Variants in DNAJB1 observed in about 807,000 individuals in gnomAD.
DNAJB1 encodes dnaJ homolog subfamily B member 1.
In DNAJB1, 14 loss-of-function variants were observed where a neutral mutation model predicts 24.0. That is an observed-to-expected ratio of 0.58 (90% CI 0.39 to 0.91). DNAJB1 has a LOEUF of 0.91. Ranked by LOEUF, DNAJB1 falls within the 40% of genes least tolerant of loss-of-function variation. The pLI, the probability that DNAJB1 is intolerant of heterozygous loss-of-function variation, is 0.00. For synonymous variants in DNAJB1, 262 were observed against 174.4 expected, an observed-to-expected ratio of 1.50 and a Z score of -3.96; for missense variants, 517 against 458.1, an observed-to-expected ratio of 1.13 and a Z score of -1.17.
chr19:14,551,302 T>A (rs2146601912), upstream of DNAJB1, among the ~76,000 whole-genome samples: 1 of 152,102 alleles, frequency 6.6e-6, no homozygotes, highest in Non-Finnish European at 1.5e-5. Context: ...CTCGAACTCC[T>A]GACCTCAGGT....
At chr19:14,530,154 C>G (rs971790382), upstream of DNAJB1, 1 of 200,688 alleles carries the variant, frequency 5.0e-6, no homozygotes, top group African/African-American at 2.3e-5. Context: ...GACCCCTTCC[C>G]TCGCCCGGGA....
upstream of DNAJB1, among the ~76,000 whole-genome samples, chr19:14,522,731 C>CACACAT (rs2072376994): frequency 6.7e-6 from 1 of 149,200 alleles, no homozygotes; most frequent in African/African-American, 2.4e-5. Context: ...CACACACACA[C>CACACAT]TCCTACTGGC....
chr19:14,525,702 A>C (rs142331260), intron 2 of DNAJB1, among the ~76,000 whole-genome samples: 5 of 152,178 alleles, frequency 3.3e-5, no homozygotes, highest in African/African-American at 1.2e-4. Context: ...GGTTGGTGTA[A>C]ATGCTCTGTA....
chr19:14,521,870 C>T (rs1488068125), upstream of DNAJB1, among the ~76,000 whole-genome samples: 1 of 152,188 alleles, frequency 6.6e-6, no homozygotes, highest in South Asian at 2.1e-4. Flanking sequence ...GATCAACACG[C>T]CTTGATCTCC....
At chr19:14,522,693 C>CAG (rs1339502117), upstream of DNAJB1, among the ~76,000 whole-genome samples, 60 of 139,212 alleles carry the variant, frequency 4.3e-4, no homozygotes, top group East Asian at 0.01. Flanking sequence ...GACACACACA[C>CAG]ACACACACAC....
chr19:14,518,963 AGCCTCAT>A (rs1350197184), upstream of DNAJB1, among the ~76,000 whole-genome samples: 4 of 151,814 alleles, frequency 2.6e-5, no homozygotes, highest in Non-Finnish European at 5.9e-5. Flanking sequence ...CCGGGCGCGG[AGCCTCAT>A]GCCTGTAATC....
rs1057061254 is a variant in DNAJB1 at position 14,516,907 on chromosome 19, C to A, written c.351G>T (p.Gly117=). The part of the protein sequence containing the change: ...GGRNPFDTFF[G]QRNGEEGMDI... ...CCATGCCTTCCTCCCCGTTCCGCTGCCCAAAAAAGGTGTCAAAGGGATTTC... is the reference window on the plus strand; with the variant it reads ...CCATGCCTTCCTCCCCGTTCCGCTGACCAAAAAAGGTGTCAAAGGGATTTC... The change falls in exon 2 of 3, where the codon GGG becomes GGT. Residue 117 remains glycine (G), a synonymous_variant. Coordinates refer to ENST00000254322, the MANE Select transcript of DNAJB1 (RefSeq NM_006145.3). 1.4e-5 allele frequency: 23 copies of A among 1,614,004 alleles called. No homozygotes were observed. Among genetic ancestry groups the A allele is most frequent in the East Asian group, 8.9e-5 (4 of 44,880 alleles).
upstream of DNAJB1, among the ~76,000 whole-genome samples, chr19:14,553,749 T>C (rs1378481397): frequency 6.6e-6 from 1 of 152,124 alleles, no homozygotes; most frequent in African/African-American, 2.4e-5. Context: ...GCTCTGGGCA[T>C]GATCGGGCCA....
upstream of DNAJB1, among the ~76,000 whole-genome samples, chr19:14,554,811 A>C (rs1599474868): frequency 1.3e-5 from 2 of 148,696 alleles, no homozygotes. Flanking sequence ...ATGGAGTTTC[A>C]CTCTGTCACC....
Position 14,518,149 on chromosome 19 carries a change from G to C in DNAJB1, c.201C>G (p.Tyr67Ter), listed in dbSNP as rs141580276. The C allele has an allele frequency of 8.5e-5, 133 of 1,570,840 alleles. No individual in the cohort carries two copies. The highest frequency in any genetic ancestry group is 1.6e-5 in the Non-Finnish European group (19 of 1,160,000). ...GCCGCGAGCACACACCTTCCTCCCC[G>C]TAGCGGTCGAAGATCTCGCGCTTGC... ...DPRKREIFDR[Y>*]GEEGLKGSGP... Residue 67 changes from tyrosine to a stop codon, truncating the protein, a stop_gained, in exon 1 of 3, where the codon TAC (tyrosine) becomes TAG (stop). Coordinates refer to ENST00000254322, the MANE Select transcript of DNAJB1 (RefSeq NM_006145.3). LOFTEE classifies it high-confidence loss of function.
Position 14,535,560 on chromosome 19 carries a change from A to ATATATATATATG in DNAJB1, c.-213-7751_-213-7750insCATATATATATA, listed in dbSNP as rs1413588470. Among the ~76,000 whole-genome samples the ATATATATATATG allele has an allele frequency of 1.4e-3, 31 of 21,858 alleles. 1 individual carries two copies. The highest frequency in any genetic ancestry group is 5.0e-3 in the African/African-American group (30 of 6,054). 14.3% of individuals were successfully genotyped at this position (21,858 alleles called of 152,430 possible). A position where few individuals can be genotyped will look rare whatever the true frequency, so the allele number is the denominator to read the frequency against. On this transcript the variant is annotated intron_variant, in intron 1 of 3. Coordinates refer to the DNAJB1 transcript ENST00000676982. ...AAAAAAAAAATATATATATATATAT[A>ATATATATATATG]TATATATATATATATATATATATAT...
At chr19:14,547,334 G>A (rs939296277) in intron 1 of DNAJB1, among the ~76,000 whole-genome samples, 3 of 150,346 alleles carry the variant, frequency 2.0e-5, no homozygotes, top group East Asian at 1.9e-4. Context: ...GTGAGCCACC[G>A]TACCTGGCCT....
At chr19:14,536,835 A>G (rs1325920255) in intron 1 of DNAJB1, 3 of 152,008 alleles carry the variant, frequency 2.0e-5, no homozygotes, top group South Asian at 4.2e-4. Context: ...TCTGGTGAGC[A>G]TCGTATGAGC....
chr19:14,552,162 T>C (rs2073546774), upstream of DNAJB1, among the ~76,000 whole-genome samples: 2 of 147,412 alleles, frequency 1.4e-5, no homozygotes, highest in Non-Finnish European at 3.0e-5. Flanking sequence ...TCTTTCTTTC[T>C]TTCTTTTTTC....
At chr19:14,521,182 G>T (rs2072355410), upstream of DNAJB1, among the ~76,000 whole-genome samples, 2 of 152,236 alleles carry the variant, frequency 1.3e-5, no homozygotes, top group South Asian at 2.1e-4. Flanking sequence ...CATAGGCCAG[G>T]CACGGTGACT....
At position 14,546,992 on chromosome 19, in the gene DNAJB1, G is replaced by A. The variant is rs182608210; in HGVS notation, c.-214+3216C>T. ...TTACAGGCATGAGCCACTGCACCCA[G>A]CCTAAAAATTAAATTTCAATTTGAT... is the stretch of plus-strand genomic sequence containing the variant. On this transcript the variant is annotated intron_variant, in intron 1 of 3. Coordinates refer to the DNAJB1 transcript ENST00000676982. Among the ~76,000 whole-genome samples, 299 of 152,272 alleles carry A rather than the reference G, an allele frequency of 2.0e-3. 2 individuals carry two copies. Among genetic ancestry groups the A allele is most frequent in the Non-Finnish European group, 1.8e-3 (120 of 68,024 alleles).
chr19:14,534,919 C>T (rs913839431), intron 1 of DNAJB1, among the ~76,000 whole-genome samples: 1 of 152,200 alleles, frequency 6.6e-6, no homozygotes, highest in South Asian at 2.1e-4. Context: ...TCTGCTGATG[C>T]TGCCCTAGGA....
intron 1 of DNAJB1, among the ~76,000 whole-genome samples, chr19:14,546,851 A>G (rs2073324924): frequency 1.3e-5 from 2 of 152,096 alleles, no homozygotes; most frequent in Admixed American, 1.3e-4. Flanking sequence ...CACTACGCCC[A>G]GCTAACTTTA....
At chr19:14,522,709 C>CAA (rs1568383679), upstream of DNAJB1, among the ~76,000 whole-genome samples, 1 of 151,538 alleles carries the variant, frequency 6.6e-6, no homozygotes, top group Non-Finnish European at 1.5e-5. Context: ...CACACACACA[C>CAA]ACACACACAC....
Sources: gnomAD v4.1 joint callset for allele counts (sites outside exome capture counted in the v4.1 genomes callset) on GRCh38, gnomAD v4.1.1 for gene constraint, MANE v1.5 for transcripts, NCBI Gene and HGNC (gene_info 2026-07-23, HGNC 2026-07-21) for gene names.